Variants in PLXNA4 observed in about 807,000 individuals in gnomAD.
The protein encoded by PLXNA4 is plexin-A4.
Under a neutral mutation model 191.8 loss-of-function variants are expected in PLXNA4, and 44 were observed. The ratio of observed to expected loss-of-function variants is 0.23; its 90% CI spans 0.18 to 0.29. PLXNA4 has a LOEUF of 0.29. Ranked by LOEUF, PLXNA4 falls within the 10% of genes least tolerant of loss-of-function variation. The pLI, the probability that PLXNA4 is intolerant of heterozygous loss-of-function variation, is 1.00. For synonymous variants in PLXNA4, 1,082 were observed against 1,009.5 expected (o/e 1.07, Z -1.36); for missense variants, 1,800 against 2,488.8 (o/e 0.72, Z 5.89).
At chr7:132,430,630 G>A (rs1328810539) in intron 3 of PLXNA4, among the ~76,000 whole-genome samples, 1 of 152,220 alleles carries the variant, frequency 6.6e-6, no homozygotes, top group African/African-American at 2.4e-5. Flanking sequence ...AACATGCATA[G>A]CTGAGGTTGC....
intron 2 of PLXNA4, among the ~76,000 whole-genome samples, chr7:132,617,089 T>G (rs1378225662): frequency 2.0e-5 from 3 of 152,032 alleles, no homozygotes; most frequent in African/African-American, 7.2e-5. Context: ...CATGTTGGAT[T>G]TAAGATATGG....
At chr7:132,618,488 G>A (rs1404648285) in intron 2 of PLXNA4, among the ~76,000 whole-genome samples, 1 of 152,200 alleles carries the variant, frequency 6.6e-6, no homozygotes, top group Non-Finnish European at 1.5e-5. Context: ...TTTCACAAAT[G>A]ATTATGTGAA....
chr7:132,245,022 C>T (rs1207871049), intron 4 of PLXNA4, among the ~76,000 whole-genome samples: 1 of 152,120 alleles, frequency 6.6e-6, no homozygotes, highest in African/African-American at 2.4e-5. Context: ...GCTGCCTCTC[C>T]CATCCCCCAA....
At chr7:132,196,177 C>T (rs1045080758) in intron 13 of PLXNA4, among the ~76,000 whole-genome samples, 5 of 152,222 alleles carry the variant, frequency 3.3e-5, no homozygotes, top group East Asian at 1.9e-4. Flanking sequence ...AAATGTTGAG[C>T]AACTTGCTTA....
Position 132,576,112 on chromosome 7 carries a change from G to A in PLXNA4, c.-87+310C>T, listed in dbSNP as rs966210142. Among the ~76,000 whole-genome samples the A allele has an allele frequency of 3.3e-5, 5 of 152,168 alleles. No homozygotes were observed. Among genetic ancestry groups the A allele is most frequent in the Admixed American group, 6.5e-5 (1 of 15,288 alleles). On this transcript the variant is annotated intron_variant, in intron 1 of 31. Transcript: ENST00000321063. The surrounding 1 kb of genome is among the most constrained non-coding windows in gnomAD (Gnocchi z 5.8). ...CTCCCCGGGTGGGAGGCAGAGCCGG[G>A]AATACACAGAATCCCACCCCGAAAG...
chr7:132,132,147 C>T (rs185020733), intron 31 of PLXNA4, among the ~76,000 whole-genome samples: 1 of 152,354 alleles, frequency 6.6e-6, no homozygotes, highest in East Asian at 1.9e-4. Flanking sequence ...AGGCCTCCTC[C>T]TACCCAGCAG....
chr7:132,460,029 T>C (rs961696335), intron 3 of PLXNA4, among the ~76,000 whole-genome samples: 1 of 151,900 alleles, frequency 6.6e-6, no homozygotes, highest in Non-Finnish European at 1.5e-5. Flanking sequence ...CAAGAATACT[T>C]ATGGCTGTGT....
At chr7:132,630,130 A>G (rs561777616) in intron 2 of PLXNA4, among the ~76,000 whole-genome samples, 80 of 152,182 alleles carry the variant, frequency 5.3e-4, no homozygotes, top group African/African-American at 1.7e-3. Context: ...GATTACAGGC[A>G]TGAGCCACCT....
chr7:132,391,995 G>T (rs919314350), intron 3 of PLXNA4, among the ~76,000 whole-genome samples: 1 of 152,140 alleles, frequency 6.6e-6, no homozygotes, highest in East Asian at 1.9e-4. Context: ...AGGCACGGTG[G>T]CAGGTACCTG....
intron 3 of PLXNA4, among the ~76,000 whole-genome samples, chr7:132,376,594 C>G (rs959095177): frequency 6.6e-6 from 1 of 152,186 alleles, no homozygotes; most frequent in East Asian, 1.9e-4. Flanking sequence ...AAGCGATTTG[C>G]TCAGCAATAA....
chr7:132,497,394 C>A (rs962946010), intron 2 of PLXNA4, among the ~76,000 whole-genome samples: 2 of 152,156 alleles, frequency 1.3e-5, no homozygotes, highest in African/African-American at 4.8e-5. Context: ...AATGCATCCA[C>A]CCCTTGAGAT....
intron 1 of PLXNA4, among the ~76,000 whole-genome samples, chr7:132,546,804 T>A (rs1800329928): frequency 6.6e-6 from 1 of 152,208 alleles, no homozygotes. Context: ...TCTGGTTACA[T>A]CAGTCTGGAA....
chr7:132,499,154 G>A (rs1425905864), intron 2 of PLXNA4, among the ~76,000 whole-genome samples: 2 of 152,248 alleles, frequency 1.3e-5, no homozygotes, highest in Non-Finnish European at 2.9e-5. Flanking sequence ...GGGTTGCTGA[G>A]CATAGCAGCC....
At chr7:132,187,389 A>G (rs938060677) in intron 15 of PLXNA4, 82 bp downstream of exon 15, 4 of 1,529,514 alleles carry the variant, frequency 2.6e-6, no homozygotes, top group Non-Finnish European at 3.5e-6. Flanking sequence ...ACTCTCTGCA[A>G]TAAAAACAAA....
At chr7:132,337,853 C>G (rs1352865691) in intron 3 of PLXNA4, among the ~76,000 whole-genome samples, 1 of 152,180 alleles carries the variant, frequency 6.6e-6, no homozygotes, top group Non-Finnish European at 1.5e-5. Context: ...AACAGAAAGC[C>G]ACTCCCAGTA....
chr7:132,409,074 C>A (rs1214389869), intron 3 of PLXNA4, among the ~76,000 whole-genome samples: 2 of 152,180 alleles, frequency 1.3e-5, no homozygotes, highest in African/African-American at 4.8e-5. Flanking sequence ...GGATGGTCTT[C>A]TAGAAGATGC....
At chr7:132,238,830 A>G (rs889942) in intron 5 of PLXNA4, among the ~76,000 whole-genome samples, 41,888 of 151,874 alleles carry the variant, frequency 0.28, 6,209 homozygotes, top group African/African-American at 0.35. Flanking sequence ...GGGGGCACCC[A>G]TGAGCTCACA....
At position 132,164,200 on chromosome 7, in the gene PLXNA4, G is replaced by A. The variant is rs1282587971; in HGVS notation, c.4442C>T (p.Ala1481Val). The A allele has an allele frequency of 6.2e-7, 1 of 1,614,236 alleles. No homozygotes were observed. Among genetic ancestry groups the A allele is most frequent in the Non-Finnish European group, 8.5e-7 (1 of 1,180,044 alleles). ...KGPIDAITGE[A>V]RYSLSEDKLI... ...CTTGTCCTCGCTCAAGGAGTAGCGGGCCTCGCCCGTGATGGCGTCAATGGG... is the reference window on the plus strand; with the variant it reads ...CTTGTCCTCGCTCAAGGAGTAGCGGACCTCGCCCGTGATGGCGTCAATGGG... The change falls in exon 24 of 32, where the codon GCC becomes GTC. Residue 1481 changes from alanine to valine, a missense_variant. Transcript: ENST00000321063.
chr7:132,189,037 AG>A, intron 14 of PLXNA4, among the ~76,000 whole-genome samples: 1 of 49,794 alleles, frequency 2.0e-5, no homozygotes, highest in East Asian at 5.7e-4. Flanking sequence ...AGAAAGAGAG[AG>A]AGAGAGAGAG....
Sources: allele counts gnomAD v4.1 joint callset (sites outside exome capture counted in the v4.1 genomes callset), GRCh38; gene constraint gnomAD v4.1.1; non-coding constraint Gnocchi (gnomAD v3.1); transcripts MANE v1.5; gene names NCBI Gene and HGNC (gene_info 2026-07-23, HGNC 2026-07-21).